CHDH: variants seen among roughly 807,000 people sequenced by gnomAD.
CHDH encodes the protein choline dehydrogenase, mitochondrial.
In CHDH, 43 loss-of-function variants were observed where a neutral mutation model predicts 56.9. The observed-to-expected ratio is 0.76, with a 90% CI of 0.59 to 0.97. CHDH has a LOEUF of 0.97. Among genes scored for constraint, CHDH ranks in the 50% least tolerant of loss-of-function variants. The pLI, the probability that CHDH is intolerant of heterozygous loss-of-function variation, is 0.00. For synonymous variants in CHDH, 364 were observed against 348.5 expected (o/e 1.04, Z -0.50); for missense variants, 816 against 821.1 (o/e 0.99, Z 0.08).
In CHDH at chr3:53,819,057, G is replaced by A. The variant is rs1224512687; in HGVS notation, c.1264-17C>T. On this transcript the variant is annotated splice_polypyrimidine_tract_variant and intron_variant, in intron 7 of 8. Coordinates refer to ENST00000315251, the MANE Select transcript of CHDH (RefSeq NM_018397.5). This position sits in a 1 kb window ranked among gnomAD's most constrained non-coding sequence, Gnocchi z 5.4. The stretch of plus-strand genomic sequence containing the variant: ...CACATGTACCTAGAAGAACACAGAG[G>A]AAGCAGTGACGGTCCCTCCATAGAC... 2 of 1,566,758 alleles carry A rather than the reference G, an allele frequency of 1.3e-6. No individual in the cohort carries two copies. The highest frequency in any genetic ancestry group is 1.1e-5 in the South Asian group (1 of 89,482).
rs1158325881 is a variant in CHDH at position 53,823,734 on chromosome 3, G to A, written c.275C>T (p.Ala92Val). Residue 92 changes from alanine (A) to valine (V), a missense_variant, in exon 3 of 9, where the codon GCG (alanine) becomes GTG (valine). Coordinates refer to ENST00000315251, the MANE Select transcript of CHDH (RefSeq NM_018397.5). ...GTCGCACAGGTTGGCCACCAGGGCC[G>A]CGGGCATGTGGATCTTCCACGAGAG... is the stretch of plus-strand genomic sequence containing the variant. ...KRLSWKIHMP[A>V]ALVANLCDDR... The A allele has an allele frequency of 1.3e-6, 2 of 1,553,608 alleles. No individual in the cohort carries two copies. The highest frequency in any genetic ancestry group is 2.4e-5 in the East Asian group (1 of 41,170).
intron 2 of CHDH, among the ~76,000 whole-genome samples, chr3:53,830,843 C>T (rs1328428652): frequency 6.6e-6 from 1 of 151,922 alleles, no homozygotes; most frequent in Non-Finnish European, 1.5e-5. Context: ...TCATCCCCCT[C>T]GCCCCCCACC....
chr3:53,817,504 CTG>C lies in CHDH; in HGVS notation c.*271_*272del. 1 of 467,164 alleles carries C rather than the reference CTG, an allele frequency of 2.1e-6. No homozygotes were observed. The highest frequency in any genetic ancestry group is 3.8e-6 in the Non-Finnish European group (1 of 266,482). 28.9% of individuals were successfully genotyped at this position (467,164 alleles called of 1,614,324 possible). On this transcript the variant is annotated 3_prime_UTR_variant, in exon 9 of 9. Transcript: ENST00000315251. ...GGCAGGAGTTAACCATCCTCCCCTT[CTG>C]TCCCTCCAGGAGGCAGGGAGGAACA...
At chr3:53,845,596 C>T (rs1345107039) in intron 1 of CHDH, among the ~76,000 whole-genome samples, 1 of 152,150 alleles carries the variant, frequency 6.6e-6, no homozygotes, top group Non-Finnish European at 1.5e-5. Flanking sequence ...AGGATGGTCC[C>T]TGGGCCACCC....
In CHDH at chr3:53,812,589, TG is replaced by T. The variant is rs2095605122; in HGVS notation, c.*5187del. 1.0e-5 allele frequency: 1 copy of T among 98,358 alleles called. No individual in the cohort carries two copies. Among genetic ancestry groups the T allele is most frequent in the Non-Finnish European group, 2.5e-5 (1 of 40,008 alleles). The allele number at this position is 98,358 out of a possible 1,614,324, so 6.1% of individuals were successfully genotyped here. On this transcript the variant is annotated 3_prime_UTR_variant, in exon 9 of 9. Coordinates refer to ENST00000315251, the MANE Select transcript of CHDH (RefSeq NM_018397.5). ...TGTTTGTTTGACTTGAACCACCCTC[TG>T]GTAAGTAAGTAAGTGAATTACAGAG...
chr3:53,839,140 C>T (rs1166605479), intron 2 of CHDH, among the ~76,000 whole-genome samples: 1 of 152,198 alleles, frequency 6.6e-6, no homozygotes, highest in African/African-American at 2.4e-5. Flanking sequence ...ACTTCACACA[C>T]ATGAGGCAAT....
At position 53,812,489 on chromosome 3, in the gene CHDH, T is replaced by C. The variant is rs1345626924; in HGVS notation, c.*5288A>G. 1 of 152,244 alleles carries C rather than the reference T, an allele frequency of 6.6e-6. No homozygotes were observed. The highest frequency in any genetic ancestry group is 6.5e-5 in the Admixed American group (1 of 15,286). 9.4% of individuals were successfully genotyped at this position (152,244 alleles called of 1,614,324 possible). A position where few individuals can be genotyped will look rare whatever the true frequency, so the allele number is the denominator to read the frequency against. On this transcript the variant is annotated 3_prime_UTR_variant, in exon 9 of 9. Transcript: ENST00000315251. ...TATACCAGATGACTATTTGCAGTCT[T>C]TTCTTTGGGCAAGAGTTCCATGATT...
chr3:53,833,338 C>T (rs1430860516), intron 2 of CHDH, among the ~76,000 whole-genome samples: 3 of 152,198 alleles, frequency 2.0e-5, no homozygotes, highest in African/African-American at 4.8e-5. Context: ...CCCCTTGATA[C>T]TCCCACCCTC....
At chr3:53,825,512 T>C (rs1291624645) in intron 2 of CHDH, among the ~76,000 whole-genome samples, 1 of 151,730 alleles carries the variant, frequency 6.6e-6, no homozygotes, top group Admixed American at 6.6e-5. Flanking sequence ...GAAAAGAATC[T>C]GGAAATATAA....
chr3:53,831,543 G>A (rs6793451), intron 2 of CHDH, among the ~76,000 whole-genome samples: 20,881 of 152,274 alleles, frequency 0.14, 1,636 homozygotes, highest in African/African-American at 0.2. Context: ...CTACCTGTAG[G>A]AAAGTTATAT....
chr3:53,824,805 T>C (rs532385382), intron 2 of CHDH, among the ~76,000 whole-genome samples: 2 of 152,104 alleles, frequency 1.3e-5, no homozygotes, highest in Non-Finnish European at 2.9e-5. Context: ...AAACAGGATA[T>C]GTCATGAAAA....
intron 2 of CHDH, among the ~76,000 whole-genome samples, chr3:53,833,496 C>T (rs1698403780): frequency 6.6e-6 from 1 of 152,204 alleles, no homozygotes; most frequent in African/African-American, 2.4e-5. Flanking sequence ...GAAGCAGCCC[C>T]TTCCACTTCC....
intron 6 of CHDH, among the ~76,000 whole-genome samples, chr3:53,820,212 C>T (rs1215091905): frequency 1.3e-5 from 2 of 152,234 alleles, no homozygotes; most frequent in African/African-American, 4.8e-5. Context: ...GGAGCAGCCC[C>T]TAAGCCCCGA....
rs56938471 is a variant in CHDH, at chr3:53,830,190, AT to A, written c.-59-6124del. ...CGATGCAATGCCAATCCCAGCAGGC[AT>A]TTTTTTTTTTGGTGGAAATTGAAAT... On this transcript the variant is annotated intron_variant, in intron 2 of 8. Coordinates refer to ENST00000315251, the MANE Select transcript of CHDH (RefSeq NM_018397.5). Among the ~76,000 whole-genome samples, 717 of 146,352 alleles carry A rather than the reference AT, an allele frequency of 4.9e-3. 2 individuals carry two copies. Among genetic ancestry groups the A allele is most frequent in the Admixed American group, 8.2e-3 (120 of 14,626 alleles).
Position 53,823,859 on chromosome 3 carries a change from C to G in CHDH, c.150G>C (p.Ser50=), listed in dbSNP as rs761767515. ...GCCTCCCAGCCAGCACGCAGCCCGC[C>G]GAGCCCGCGCCCACCACCACATAGC... is the stretch of plus-strand genomic sequence containing the variant. ...EYSYVVVGAG[S]AGCVLAGRLT... Residue 50 remains serine, a synonymous_variant, in exon 3 of 9, where the codon TCG becomes TCC. Transcript: ENST00000315251. 6.3e-7 allele frequency: 1 copy of G among 1,590,802 alleles called. No individual in the cohort carries two copies. Among genetic ancestry groups the G allele is most frequent in the South Asian group, 1.1e-5 (1 of 89,960 alleles).
Position 53,823,658 on chromosome 3 carries a change from GC to G in CHDH, c.350del (p.Gly117AlafsTer101). On this transcript the variant is annotated frameshift_variant, in exon 3 of 9. Transcript: ENST00000315251. LOFTEE classifies it high-confidence loss of function. ...YHTEVQRGLD[G>X]RVLYWPRGRV... Reference sequence around the variant, plus strand: ...GGCCGCGTGGCCAGTACAGCACGCGGCCGTCCAGGCCCCGCTGCACCTCTGT... The same window carrying G: ...GGCCGCGTGGCCAGTACAGCACGCGGCGTCCAGGCCCCGCTGCACCTCTGT... The G allele has an allele frequency of 1.3e-6, 2 of 1,545,680 alleles. No individual in the cohort carries two copies. Among genetic ancestry groups the G allele is most frequent in the South Asian group, 2.4e-5 (2 of 83,978 alleles).
At chr3:53,841,250 A>T (rs925003536) in intron 1 of CHDH, among the ~76,000 whole-genome samples, 1 of 152,196 alleles carries the variant, frequency 6.6e-6, no homozygotes, top group Non-Finnish European at 1.5e-5. Flanking sequence ...TGGACCAGAC[A>T]TGGAACCCCT....
rs566179071 is a variant in CHDH, at chr3:53,817,655, T to G, written c.*122A>C. 63 of 754,360 alleles carry G rather than the reference T, an allele frequency of 8.4e-5. No homozygotes were observed. In the African/African-American group the frequency reaches 9.9e-4, roughly 12 times the overall value. 46.7% of individuals were successfully genotyped at this position (754,360 alleles called of 1,614,324 possible). ...CTTTATCCAATTCTCAGCCACTGAG[T>G]AGGGTACCACCTGGGTCCTAGTGTG... On this transcript the variant is annotated 3_prime_UTR_variant, in exon 9 of 9. Coordinates refer to ENST00000315251, the MANE Select transcript of CHDH (RefSeq NM_018397.5).
intron 2 of CHDH, among the ~76,000 whole-genome samples, chr3:53,832,771 G>A (rs1043629268): frequency 6.6e-6 from 1 of 152,198 alleles, no homozygotes; most frequent in South Asian, 2.1e-4. Context: ...AGGTTACTAG[G>A]AGACGAGGGG....
Sources: gnomAD v4.1 joint callset for allele counts (sites outside exome capture counted in the v4.1 genomes callset) on GRCh38, gnomAD v4.1.1 for gene constraint, Gnocchi (gnomAD v3.1) non-coding constraint, MANE v1.5 for transcripts, NCBI Gene and HGNC (gene_info 2026-07-23, HGNC 2026-07-21) for gene names.